Variants in ERAP1 observed in about 807,000 individuals in gnomAD.
The protein encoded by ERAP1 is endoplasmic reticulum aminopeptidase 1.
In ERAP1, 86 loss-of-function variants were observed where a neutral mutation model predicts 103.7. That is an observed-to-expected ratio of 0.83 (90% CI 0.70 to 0.99). ERAP1 has a LOEUF of 0.99. ERAP1 is among the 50% of genes least tolerant of loss of function. The pLI is 0.00. For missense variants in ERAP1, 1,009 were observed against 1,128.4 expected, an observed-to-expected ratio of 0.89 and a Z score of 1.52; for synonymous variants, 398 against 402.4, an observed-to-expected ratio of 0.99 and a Z score of 0.13.
chr5:96,792,092 C>A lies in ERAP1; in HGVS notation c.1289G>T (p.Arg430Leu). Residue 430 changes from arginine to leucine, a missense_variant, in exon 8 of 19, where the codon CGG becomes CTG. Physicochemically the swap from Arg to Leu is moderately radical, Grantham distance 102. Transcript: ENST00000443439. ...ATAAGAAACATCATCAAACATCTCC[C>A]GGATCTGAGCAGGATTTTCCACAGG... ...STPVENPAQI[R>L]EMFDDVSYDK... 6.2e-7 allele frequency: 1 copy of A among 1,614,074 alleles called. No individual in the cohort carries two copies. Among genetic ancestry groups the A allele is most frequent in the Non-Finnish European group, 8.5e-7 (1 of 1,179,928 alleles).
At chr5:96,886,708 T>C in the ERAP1 span, 1 of 1,553,726 alleles carries the variant, frequency 6.4e-7, no homozygotes, top group Non-Finnish European at 8.8e-7. Context: ...TTGAAACTAC[T>C]GTAAAAATGA....
chr5:96,794,927 G>A, intron 5 of ERAP1, 115 bp downstream of exon 5: 1 of 1,272,744 alleles, frequency 7.9e-7, no homozygotes, highest in Non-Finnish European at 1.1e-6. Flanking sequence ...CACTTGCTGG[G>A]GTTTTTGTGG....
the ERAP1 span, among the ~76,000 whole-genome samples, chr5:96,879,312 C>T: frequency 2.0e-5 from 3 of 152,298 alleles, no homozygotes; most frequent in Middle Eastern, 3.4e-3. Context: ...GCCTTCTGCT[C>T]GCTGCACAAG....
intron 12 of ERAP1, among the ~76,000 whole-genome samples, chr5:96,786,209 G>A (rs1051283539): frequency 5.9e-5 from 9 of 152,102 alleles, no homozygotes; most frequent in African/African-American, 2.2e-4. Context: ...CTACATCTCT[G>A]GCCATACATA....
At chr5:96,781,265 TA>T (rs1371014800) in intron 16 of ERAP1, 67 bp from the exon 17 acceptor site, 20 of 1,507,192 alleles carry the variant, frequency 1.3e-5, no homozygotes, top group Non-Finnish European at 3.6e-6. Flanking sequence ...ATCACTGCAA[TA>T]AAATTACTTG....
chr5:96,906,246 T>TCTTCTA, the ERAP1 span, among the ~76,000 whole-genome samples: 1 of 151,628 alleles, frequency 6.6e-6, no homozygotes, highest in Non-Finnish European at 1.5e-5. Context: ...TTCCTCTTCC[T>TCTTCTA]CTTCTACTTC....
the ERAP1 span, chr5:96,892,222 T>C: frequency 2.1e-6 from 3 of 1,417,426 alleles, no homozygotes; most frequent in Non-Finnish European, 9.9e-7. Context: ...AGGATCATAG[T>C]GTATTTGAGC....
chr5:96,910,187 C>T, the ERAP1 span: 11,333 of 159,888 alleles, frequency 0.071, 552 homozygotes, highest in Middle Eastern at 0.15. Flanking sequence ...ATTGCTTGAA[C>T]CTGGGAAGCA....
At position 96,774,899 on chromosome 5, in the gene ERAP1, C is replaced by T. The variant is rs1375937391; in HGVS notation, c.*1497G>A. On this transcript the variant is annotated 3_prime_UTR_variant, in exon 19 of 19. Transcript: ENST00000443439. ...TATTTTGTCGTGTATTAGGGGAACA[C>T]ATTTTGACATTTTTCGTACCAATCA... 1.0e-6 allele frequency: 1 copy of T among 982,324 alleles called. No individual in the cohort carries two copies. The highest frequency in any genetic ancestry group is 1.2e-6 in the Non-Finnish European group (1 of 827,464). The allele number at this position is 982,324 out of a possible 1,614,324, so 60.9% of individuals were successfully genotyped here.
the ERAP1 span, chr5:96,903,258 C>A: frequency 2.7e-6 from 2 of 745,262 alleles, no homozygotes; most frequent in Non-Finnish European, 4.2e-6. Context: ...CATTATGACT[C>A]TCCCCAAACT....
the ERAP1 span, chr5:96,896,680 A>G: frequency 4.9e-5 from 74 of 1,516,208 alleles, no homozygotes; most frequent in Admixed American, 9.1e-5. Flanking sequence ...AAAACATACC[A>G]TACTACCATT....
At chr5:96,796,885 T>G (rs1174567262) in intron 4 of ERAP1, among the ~76,000 whole-genome samples, 3 of 152,170 alleles carry the variant, frequency 2.0e-5, no homozygotes, top group Non-Finnish European at 2.9e-5. Context: ...CTCAAACTCC[T>G]GGGCTCAAGG....
intron 7 of ERAP1, 135 bp downstream of exon 7, chr5:96,793,265 A>G: frequency 1.4e-6 from 1 of 734,790 alleles, no homozygotes; most frequent in South Asian, 1.6e-5. Context: ...AACACGATTC[A>G]TATCTAAACT....
chr5:96,826,997 A>G, the ERAP1 span, among the ~76,000 whole-genome samples: 1 of 152,228 alleles, frequency 6.6e-6, no homozygotes, highest in East Asian at 1.9e-4. Context: ...TCAAATGTCC[A>G]TGGTATTTAT....
the ERAP1 span, among the ~76,000 whole-genome samples, chr5:96,845,630 T>A: frequency 1.3e-5 from 2 of 152,262 alleles, no homozygotes; most frequent in Non-Finnish European, 2.9e-5. Flanking sequence ...TTAGTCTGAA[T>A]AATTTAAGCT....
chr5:96,800,812 A>C, intron 3 of ERAP1, 50 bp downstream of exon 3: 3 of 1,605,698 alleles, frequency 1.9e-6, no homozygotes, highest in Non-Finnish European at 2.6e-6. Flanking sequence ...TGCAAGTCAC[A>C]GAGAATCAGT....
chr5:96,853,435 C>T, the ERAP1 span, among the ~76,000 whole-genome samples: 8 of 152,050 alleles, frequency 5.3e-5, no homozygotes, highest in East Asian at 1.9e-4. Flanking sequence ...GGTACACTAC[C>T]GACTTCAAAA....
chr5:96,803,972 A>C, intron 1 of ERAP1, 29 bp from the exon 2 acceptor site: 1 of 1,596,818 alleles, frequency 6.3e-7, no homozygotes, highest in Non-Finnish European at 8.5e-7. Flanking sequence ...AAAAGCAAAA[A>C]TATATGTCAT....
At chr5:96,918,424 T>C in the ERAP1 span, 2 of 152,198 alleles carry the variant, frequency 1.3e-5, no homozygotes, top group Non-Finnish European at 2.9e-5. Context: ...AAATCTCAGA[T>C]TATTAGAAAC....
Sources: allele counts gnomAD v4.1 joint callset (sites outside exome capture counted in the v4.1 genomes callset), GRCh38; gene constraint gnomAD v4.1.1; transcripts MANE v1.5; gene names NCBI Gene and HGNC (gene_info 2026-07-23, HGNC 2026-07-21).